NAALADL2: variants seen among roughly 807,000 people sequenced by gnomAD.
NAALADL2 encodes inactive N-acetylated-alpha-linked acidic dipeptidase-like protein 2.
A neutral mutation model predicts 87.2 loss-of-function variants in NAALADL2; 76 were observed. The observed-to-expected ratio is 0.87, with a 90% CI of 0.72 to 1.05. The LOEUF (loss-of-function observed/expected upper bound fraction) is 1.05. Ranked by LOEUF, NAALADL2 falls within the 50% of genes least tolerant of loss-of-function variation. The pLI is 0.00. For missense variants in NAALADL2, 1,089 were observed against 945.8 expected (o/e 1.15, Z -1.99); for synonymous variants, 354 against 331.0 (o/e 1.07, Z -0.75).
At chr3:174,775,333 C>A (rs1039331901) in intron 3 of NAALADL2, among the ~76,000 whole-genome samples, 8 of 152,064 alleles carry the variant, frequency 5.3e-5, no homozygotes, top group South Asian at 2.1e-4. Flanking sequence ...AACCACTAAT[C>A]TACTTTCTGT....
chr3:174,829,801 C>T lies in NAALADL2; in HGVS notation c.-9+92055C>T, dbSNP rs1379572312. Among the ~76,000 whole-genome samples the T allele has an allele frequency of 6.6e-3, 886 of 133,748 alleles. 2 individuals carry two copies. The highest frequency in any genetic ancestry group is 0.011 in the Non-Finnish European group (656 of 60,070). 87.7% of individuals were successfully genotyped at this position (133,748 alleles called of 152,430 possible). ...TGTTGTTTCCTGACTTTTTAATGAT[C>T]GCCATTCTAACTGGTGTGAGATGGT... On this transcript the variant is annotated intron_variant, in intron 3 of 3. Transcript: ENST00000434257.
intron 2 of NAALADL2, among the ~76,000 whole-genome samples, chr3:175,117,057 A>G (rs973391027): frequency 2.6e-5 from 4 of 152,160 alleles, no homozygotes; most frequent in Non-Finnish European, 4.4e-5. Flanking sequence ...TTGGCTAGCC[A>G]TACGTAGAAA....
At chr3:175,416,699 G>A (rs116232342) in intron 5 of NAALADL2, among the ~76,000 whole-genome samples, 294 of 152,164 alleles carry the variant, frequency 1.9e-3, no homozygotes, top group African/African-American at 6.6e-3. Flanking sequence ...TGTCACTAGC[G>A]TGTAAACTTT....
chr3:174,667,907 G>C (rs1726127249), intron 2 of NAALADL2, among the ~76,000 whole-genome samples: 1 of 152,078 alleles, frequency 6.6e-6, no homozygotes, highest in Admixed American at 6.6e-5. Context: ...GGGGTACTCA[G>C]TTACAATTCT....
rs185675915 is a variant in NAALADL2 at position 174,535,777 on chromosome 3, A to G, written c.-183-14792A>G. ...GAGTTTATCAGTTCAACAAATACCT[A>G]TTGGTTGACTTATAGCTGATAGGTG... On this transcript the variant is annotated intron_variant, in intron 1 of 3. Transcript: ENST00000434257. Among the ~76,000 whole-genome samples, 21 of 152,178 alleles carry G rather than the reference A, an allele frequency of 1.4e-4. No homozygotes were observed. The East Asian group carries it at 3.3e-3, about 24-fold the overall frequency.
At chr3:174,539,359 A>G (rs1722014112) in intron 1 of NAALADL2, among the ~76,000 whole-genome samples, 1 of 152,186 alleles carries the variant, frequency 6.6e-6, no homozygotes, top group South Asian at 2.1e-4. Flanking sequence ...TTTATAATAA[A>G]TTGTTCAATG....
intron 5 of NAALADL2, among the ~76,000 whole-genome samples, chr3:175,419,250 C>T (rs897901642): frequency 6.6e-6 from 1 of 151,434 alleles, no homozygotes; most frequent in Non-Finnish European, 1.5e-5. Flanking sequence ...TGTCCTGAAG[C>T]AGGTAGATAA....
intron 2 of NAALADL2, among the ~76,000 whole-genome samples, chr3:175,130,763 A>G (rs1323116481): frequency 6.6e-6 from 1 of 152,178 alleles, no homozygotes; most frequent in African/African-American, 2.4e-5. Context: ...TCACTGGTAT[A>G]TATGTCTGTT....
chr3:175,497,608 G>T (rs1728990130), intron 9 of NAALADL2, among the ~76,000 whole-genome samples: 1 of 152,108 alleles, frequency 6.6e-6, no homozygotes, highest in Admixed American at 6.6e-5. Flanking sequence ...ACAATAGATA[G>T]ATTAGCCAAA....
intron 3 of NAALADL2, among the ~76,000 whole-genome samples, chr3:174,782,512 T>C (rs1459896671): frequency 6.6e-6 from 1 of 152,120 alleles, no homozygotes; most frequent in African/African-American, 2.4e-5. Flanking sequence ...TTTGTACTTA[T>C]ATAAATATAT....
chr3:174,849,630 G>T (rs1725013575), intron 3 of NAALADL2, among the ~76,000 whole-genome samples: 1 of 150,944 alleles, frequency 6.6e-6, no homozygotes, highest in Non-Finnish European at 1.5e-5. Context: ...AGCCACTTGG[G>T]AGGCTAAGGA....
At chr3:175,007,823 A>C (rs1196213023) in intron 1 of NAALADL2, among the ~76,000 whole-genome samples, 1 of 152,154 alleles carries the variant, frequency 6.6e-6, no homozygotes, top group Non-Finnish European at 1.5e-5. Flanking sequence ...ACTATAATAA[A>C]ATAGAATAAT....
At chr3:174,972,494 A>G (rs1052038756) in intron 1 of NAALADL2, among the ~76,000 whole-genome samples, 1 of 152,116 alleles carries the variant, frequency 6.6e-6, no homozygotes, top group Admixed American at 6.6e-5. Context: ...CTACACCTGC[A>G]TCCTTGATAT....
intron 11 of NAALADL2, among the ~76,000 whole-genome samples, chr3:175,637,109 A>G (rs1369036503): frequency 6.6e-6 from 1 of 152,242 alleles, no homozygotes. Flanking sequence ...CGTAATTGCC[A>G]ATGTAATGAA....
At chr3:174,972,151 A>C (rs1743773258) in intron 1 of NAALADL2, among the ~76,000 whole-genome samples, 1 of 152,272 alleles carries the variant, frequency 6.6e-6, no homozygotes, top group Admixed American at 6.5e-5. Context: ...CTAGCCCCAT[A>C]GGCCTTAAGT....
intron 9 of NAALADL2, among the ~76,000 whole-genome samples, chr3:175,496,520 A>G (rs1728832934): frequency 6.6e-6 from 1 of 152,018 alleles, no homozygotes; most frequent in Non-Finnish European, 1.5e-5. Flanking sequence ...TTCACTTCAT[A>G]ATGTATTTAT....
chr3:175,611,217 G>A (rs965252051), intron 10 of NAALADL2, among the ~76,000 whole-genome samples: 1 of 151,992 alleles, frequency 6.6e-6, no homozygotes, highest in Non-Finnish European at 1.5e-5. Context: ...GTGGTACTTT[G>A]ATTAAGGCAC....
chr3:174,773,730 C>A (rs1714861334), intron 3 of NAALADL2, among the ~76,000 whole-genome samples: 1 of 151,940 alleles, frequency 6.6e-6, no homozygotes, highest in Non-Finnish European at 1.5e-5. Flanking sequence ...TTTAGAGTAC[C>A]CAACGTTTAA....
At chr3:175,588,936 T>C (rs1045135147) in intron 10 of NAALADL2, among the ~76,000 whole-genome samples, 2 of 152,204 alleles carry the variant, frequency 1.3e-5, no homozygotes, top group South Asian at 4.1e-4. Context: ...ATTTAAAGAT[T>C]ATGGCCACAT....
Sources: gnomAD v4.1 joint callset for allele counts (sites outside exome capture counted in the v4.1 genomes callset) on GRCh38, gnomAD v4.1.1 for gene constraint, MANE v1.5 for transcripts, NCBI Gene and HGNC (gene_info 2026-07-23, HGNC 2026-07-21) for gene names.